Variants in SORCS2 observed in about 807,000 individuals in gnomAD.
The protein encoded by SORCS2 is sortilin related VPS10 domain containing receptor 2.
Under a neutral mutation model 141.6 loss-of-function variants are expected in SORCS2, and 100 were observed. The ratio of observed to expected loss-of-function variants is 0.71; its 90% CI spans 0.60 to 0.83. The LOEUF (loss-of-function observed/expected upper bound fraction) is 0.83, where lower values mean the gene tolerates loss of function less well. Ranked by LOEUF, SORCS2 falls within the 40% of genes least tolerant of loss-of-function variation. The probability of loss-of-function intolerance (pLI) is 0.00; values close to 1 mark genes in which losing one functional copy is unlikely to be tolerated. For synonymous variants in SORCS2, 789 were observed against 676.9 expected (o/e 1.17, Z -2.57); for missense variants, 1,646 against 1,560.2 (o/e 1.05, Z -0.93).
In SORCS2 at chr4:7,728,632, C is replaced by T. The variant is rs376332111; in HGVS notation, c.2982+170C>T. Among the ~76,000 whole-genome samples the T allele has an allele frequency of 3.0e-4, 46 of 152,316 alleles. 1 individual carries two copies. In the East Asian group the frequency reaches 7.5e-3, roughly 25 times the overall value. ...GATGTTGAAAGCTATGGATGGGGGGCAGGCACACTGCCCTTATTTAGGAGG... is the reference window on the plus strand; with the variant it reads ...GATGTTGAAAGCTATGGATGGGGGGTAGGCACACTGCCCTTATTTAGGAGG... On this transcript the variant is annotated intron_variant, in intron 22 of 26. Transcript: ENST00000507866.
At chr4:7,486,327 G>GCAGGTCA (rs1730982487) in intron 2 of SORCS2, among the ~76,000 whole-genome samples, 1 of 151,782 alleles carries the variant, frequency 6.6e-6, no homozygotes, top group Non-Finnish European at 1.5e-5. Flanking sequence ...CCCGCAGGCC[G>GCAGGTCA]GCTGGGCCAC....
rs538361902 is a variant in SORCS2 at position 7,334,904 on chromosome 4, G to C, written c.481-61384G>C. Among the ~76,000 whole-genome samples, 234 of 152,282 alleles carry C rather than the reference G, an allele frequency of 1.5e-3. 1 individual carries two copies. The highest frequency in any genetic ancestry group is 5.5e-3 in the African/African-American group (229 of 41,558). On this transcript the variant is annotated intron_variant, in intron 1 of 26. Coordinates refer to ENST00000507866, the MANE Select transcript of SORCS2 (RefSeq NM_020777.3). ...TGAGAACAGCGAGTGTCAGTATCAG[G>C]CATCTTCTGGGAGCGGAGGGAAGTG...
chr4:7,478,226 T>C lies in SORCS2; in HGVS notation c.549-53304T>C, dbSNP rs550481070. Among the ~76,000 whole-genome samples, 4 of 152,178 alleles carry C rather than the reference T, an allele frequency of 2.6e-5. No individual in the cohort carries two copies. In the East Asian group the frequency reaches 7.8e-4, roughly 30 times the overall value. ...AGTGAGTATGCAGTGATGTGGGCGC[T>C]GCAGGCAGGAGGAAGGTGAAACACT... On this transcript the variant is annotated intron_variant, in intron 2 of 26. Coordinates refer to ENST00000507866, the MANE Select transcript of SORCS2 (RefSeq NM_020777.3).
At chr4:7,359,802 C>T (rs1405915266) in intron 1 of SORCS2, among the ~76,000 whole-genome samples, 1 of 152,180 alleles carries the variant, frequency 6.6e-6, no homozygotes, top group African/African-American at 2.4e-5. Context: ...CTGAAGAATA[C>T]ATATGGGCCA....
intron 3 of SORCS2, among the ~76,000 whole-genome samples, chr4:7,602,521 G>T (rs965914746): frequency 3.3e-5 from 5 of 150,938 alleles, no homozygotes; most frequent in African/African-American, 1.2e-4. Flanking sequence ...GACGATGGGC[G>T]GCCGGGCAGA....
intron 1 of SORCS2, among the ~76,000 whole-genome samples, chr4:7,264,078 G>A (rs1714553642): frequency 6.6e-6 from 1 of 152,196 alleles, no homozygotes. Flanking sequence ...GGGGAGCAGA[G>A]AAGTAGAGAG....
Position 7,333,546 on chromosome 4 carries a change from G to A in SORCS2, c.481-62742G>A, listed in dbSNP as rs113323888. ...GGCCCAGCCTCTGAGTTTCAAGATC[G>A]GGAGACTGATGTCCAGAGAGGGGCC... On this transcript the variant is annotated intron_variant, in intron 1 of 26. Coordinates refer to ENST00000507866, the MANE Select transcript of SORCS2 (RefSeq NM_020777.3). Among the ~76,000 whole-genome samples, 1,296 of 152,192 alleles carry A rather than the reference G, an allele frequency of 8.5e-3. 18 individuals carry two copies. Among genetic ancestry groups the A allele is most frequent in the African/African-American group, 0.03 (1,227 of 41,532 alleles).
intron 3 of SORCS2, among the ~76,000 whole-genome samples, chr4:7,599,162 C>A: frequency 9.1e-6 from 1 of 109,732 alleles, no homozygotes; most frequent in East Asian, 2.7e-4. Flanking sequence ...TGCAAGACGG[C>A]GGCCCCAGCT....
chr4:7,689,240 C>T (rs1175258646), intron 10 of SORCS2, among the ~76,000 whole-genome samples: 3 of 152,138 alleles, frequency 2.0e-5, no homozygotes, highest in Non-Finnish European at 4.4e-5. Context: ...AGGTGCCTCA[C>T]TTGTGCCCAC....
intron 1 of SORCS2, among the ~76,000 whole-genome samples, chr4:7,305,138 T>C (rs939238553): frequency 2.0e-5 from 3 of 151,974 alleles, no homozygotes; most frequent in African/African-American, 7.3e-5. Flanking sequence ...TTCGTGCCAT[T>C]CTCCTGCCTC....
intron 2 of SORCS2, among the ~76,000 whole-genome samples, chr4:7,416,347 C>T (rs376965091): frequency 3.3e-5 from 5 of 152,268 alleles, no homozygotes; most frequent in South Asian, 4.1e-4. Flanking sequence ...GCTCCCCCTC[C>T]TTGCCCTCCA....
chr4:7,406,193 T>A lies in SORCS2; in HGVS notation c.548+9838T>A, dbSNP rs1320355047. On this transcript the variant is annotated intron_variant, in intron 2 of 26. Transcript: ENST00000507866. ...GATCATTATTCATATTGACCTGTCG[T>A]TTTTTTTTGTTGTGTCCTTTTCTGG... Among the ~76,000 whole-genome samples the A allele has an allele frequency of 1.7e-4, 10 of 58,292 alleles. No individual in the cohort carries two copies. In the East Asian group the frequency reaches 2.5e-3, roughly 14 times the overall value. The allele number at this position is 58,292 out of a possible 152,430, so 38.2% of individuals were successfully genotyped here. A position where few individuals can be genotyped will look rare whatever the true frequency, so the allele number is the denominator to read the frequency against.
chr4:7,429,164 G>C (rs748002970), intron 2 of SORCS2, among the ~76,000 whole-genome samples: 3 of 152,174 alleles, frequency 2.0e-5, no homozygotes, highest in Non-Finnish European at 4.4e-5. Flanking sequence ...GGTTGGGCCG[G>C]CACACCCCCT....
Position 7,648,771 on chromosome 4 carries a change from C to T in SORCS2, c.814-5363C>T, listed in dbSNP as rs536980149. Reference sequence around the variant, plus strand: ...CCAGGGACAGGCACCAGGGCGGCCCCGGGGAGCAATGGGAGTGGACTGAGT... The same window carrying T: ...CCAGGGACAGGCACCAGGGCGGCCCTGGGGAGCAATGGGAGTGGACTGAGT... On this transcript the variant is annotated intron_variant, in intron 4 of 26. Transcript: ENST00000507866. The surrounding 1 kb of genome is among the most constrained non-coding windows in gnomAD (Gnocchi z 4.2). Among the ~76,000 whole-genome samples the T allele has an allele frequency of 2.3e-4, 35 of 151,770 alleles. 1 individual carries two copies. Among genetic ancestry groups the T allele is most frequent in the South Asian group, 1.0e-3 (5 of 4,786 alleles).
chr4:7,467,025 C>G (rs1729658434), intron 2 of SORCS2, among the ~76,000 whole-genome samples: 2 of 152,132 alleles, frequency 1.3e-5, no homozygotes, highest in Non-Finnish European at 2.9e-5. Context: ...ACAGCCCACA[C>G]AGAGGCAGAG....
chr4:7,710,911 G>A (rs1414636502), intron 14 of SORCS2, among the ~76,000 whole-genome samples: 1 of 152,206 alleles, frequency 6.6e-6, no homozygotes, highest in Non-Finnish European at 1.5e-5. Flanking sequence ...ATGGTCTGGG[G>A]CTCCTGAACC....
chr4:7,739,399 G>A (rs1030306446), intron 26 of SORCS2, among the ~76,000 whole-genome samples: 8 of 152,100 alleles, frequency 5.3e-5, no homozygotes, highest in African/African-American at 1.2e-4. Context: ...GACAGGGCTC[G>A]GCTCCCCAGC....
At chr4:7,303,438 A>G (rs1406336987) in intron 1 of SORCS2, among the ~76,000 whole-genome samples, 2 of 152,114 alleles carry the variant, frequency 1.3e-5, no homozygotes, top group East Asian at 3.9e-4. Context: ...TAATTCCTCT[A>G]TGCCCCTTTT....
intron 3 of SORCS2, among the ~76,000 whole-genome samples, chr4:7,616,343 C>G (rs747658951): frequency 1.3e-5 from 2 of 152,114 alleles, no homozygotes; most frequent in Non-Finnish European, 2.9e-5. Context: ...TTCACCCATC[C>G]ACCATCCACC....
Sources: allele counts gnomAD v4.1 joint callset (sites outside exome capture counted in the v4.1 genomes callset), GRCh38; gene constraint gnomAD v4.1.1; non-coding constraint Gnocchi (gnomAD v3.1); transcripts MANE v1.5; gene names NCBI Gene and HGNC (gene_info 2026-07-23, HGNC 2026-07-21).